EIF1: variants seen among roughly 807,000 people sequenced by gnomAD.
EIF1 encodes the protein protein translation factor SUI1 homolog.
A neutral mutation model predicts 13.7 loss-of-function variants in EIF1; 4 were observed. That is an observed-to-expected ratio of 0.29 (90% confidence interval 0.14 to 0.67). The LOEUF (loss-of-function observed/expected upper bound fraction) is 0.67, where lower values mean the gene tolerates loss of function less well. Ranked by LOEUF, EIF1 falls within the 30% of genes least tolerant of loss-of-function variation. The probability of loss-of-function intolerance (pLI) is 0.77; values close to 1 mark genes in which losing one functional copy is unlikely to be tolerated. For synonymous variants in EIF1, 67 were observed against 50.7 expected (o/e 1.32, Z -1.37); for missense variants, 64 against 138.0 (o/e 0.46, Z 2.69).
chr17:41,689,136 C>T (rs1036247906), intron 1 of EIF1, 67 bp downstream of exon 1: 5 of 1,576,332 alleles, frequency 3.2e-6, no homozygotes, highest in African/African-American at 1.4e-5. Context: ...GAGACGTGTT[C>T]CGGGAAGTTG....
At chr17:41,689,710 G>A (rs1910316727) in intron 1 of EIF1, 68 bp from the exon 2 acceptor site, 2 of 1,486,522 alleles carry the variant, frequency 1.3e-6, no homozygotes, top group African/African-American at 1.4e-5. Flanking sequence ...AAAACACCTG[G>A]GGACCGAGGG....
intron 2 of EIF1, 41 bp from the exon 3 acceptor site, chr17:41,690,047 T>C: frequency 6.2e-7 from 1 of 1,611,588 alleles, no homozygotes; most frequent in Non-Finnish European, 8.5e-7. Context: ...AATGCGTTCA[T>C]GCTCTTGCTA....
In EIF1 at chr17:41,690,199, G is replaced by A; in HGVS notation, c.297+10G>A. The A allele has an allele frequency of 6.2e-7, 1 of 1,605,090 alleles. No homozygotes were observed. Among genetic ancestry groups the A allele is most frequent in the South Asian group, 1.1e-5 (1 of 90,848 alleles). The stretch of plus-strand genomic sequence containing the variant: ...CCAGTTCCTCGTAGAGGTGAGTTCA[G>A]TCACTACTTGATTTGTGCCTCTCTG... On this transcript the variant is annotated intron_variant, in intron 3 of 3. Coordinates refer to ENST00000469257, the MANE Select transcript of EIF1 (RefSeq NM_005801.4).
intron 1 of EIF1, chr17:41,689,488 C>T (rs1253385581): frequency 1.3e-5 from 6 of 452,644 alleles, no homozygotes; most frequent in South Asian, 3.2e-5. Context: ...AGCTCGGGTT[C>T]CGGCGGGTTG....
Position 41,689,796 on chromosome 17 carries a change from G to C in EIF1, c.50G>C (p.Ser17Thr). Residue 17 changes from serine to threonine, a missense_variant, in exon 2 of 4, where the codon AGT (serine) becomes ACT (threonine). Transcript: ENST00000469257. ...TTTTCAGACCCCTTTGCTGATGCAA[G>C]TAAGGGTGATGACCTGCTTCCTGCT... ...LHSFDPFADA[S>T]KGDDLLPAGT... The C allele has an allele frequency of 1.2e-6, 2 of 1,608,978 alleles. No individual in the cohort carries two copies. Among genetic ancestry groups the C allele is most frequent in the South Asian group, 1.1e-5 (1 of 90,320 alleles).
In EIF1 at chr17:41,690,308, G is replaced by A. The variant is rs554087859; in HGVS notation, c.297+119G>A. On this transcript the variant is annotated intron_variant, in intron 3 of 3. Coordinates refer to ENST00000469257, the MANE Select transcript of EIF1 (RefSeq NM_005801.4). ...TAAGGCTGAGCAAAACCTCAGTTGG[G>A]TTTTAAAGTACATAGACTTATTTCT... 3.0e-5 allele frequency: 22 copies of A among 726,696 alleles called. No individual in the cohort carries two copies. The African/African-American group carries it at 3.6e-4, about 12-fold the overall frequency. 45.0% of individuals were successfully genotyped at this position (726,696 alleles called of 1,614,324 possible).
rs527750929 is a variant in EIF1, at chr17:41,688,934, C to T, written c.-105C>T. 23 of 1,187,848 alleles carry T rather than the reference C, an allele frequency of 1.9e-5. 1 individual carries two copies. Among genetic ancestry groups the T allele is most frequent in the East Asian group, 9.7e-5 (4 of 41,312 alleles). 73.6% of individuals were successfully genotyped at this position (1,187,848 alleles called of 1,614,324 possible). On this transcript the variant is annotated 5_prime_UTR_variant, in exon 1 of 4. Transcript: ENST00000469257. ...AGGATTCAGCAGCCTCCCCCTTGAG[C>T]CCCCTCGCTTCCCGACGTTCCGTTC...
rs1209869594 is a variant in EIF1 at position 41,691,730 on chromosome 17, C to T, written c.*904C>T. 3 of 152,644 alleles carry T rather than the reference C, an allele frequency of 2.0e-5. No individual in the cohort carries two copies. Among genetic ancestry groups the T allele is most frequent in the Non-Finnish European group, 4.4e-5 (3 of 68,052 alleles). 9.5% of individuals were successfully genotyped at this position (152,644 alleles called of 1,614,324 possible). ...ATGGGCAGTGGAGGATTCGTCCACA[C>T]CCACAGCTTCTCAACGGGCCTGAAT... is the stretch of plus-strand genomic sequence containing the variant. On this transcript the variant is annotated 3_prime_UTR_variant, in exon 4 of 4. Transcript: ENST00000469257.
chr17:41,689,673 G>A (rs1277183768), intron 1 of EIF1, 105 bp from the exon 2 acceptor site: 1 of 1,218,626 alleles, frequency 8.2e-7, no homozygotes, highest in African/African-American at 1.5e-5. Context: ...AAGCCCTGAC[G>A]ATTTCAGTGT....
At chr17:41,689,559 C>T in intron 1 of EIF1, 1 of 509,318 alleles carries the variant, frequency 2.0e-6, no homozygotes, top group Non-Finnish European at 3.4e-6. Context: ...ATCGGCTTCC[C>T]AGGGAGGGCG....
rs1910282736 is a variant in EIF1, at chr17:41,689,009, G to C, written c.-30G>C. The C allele has an allele frequency of 6.2e-7, 1 of 1,612,616 alleles. No homozygotes were observed. Among genetic ancestry groups the C allele is most frequent in the Non-Finnish European group, 8.5e-7 (1 of 1,179,608 alleles). Reference sequence around the variant, plus strand: ...CCGCCGCCGCCGCCTTCCGCAGGCCGTTTCCACCGAGGAAAAGGAATCGTA... The same window carrying C: ...CCGCCGCCGCCGCCTTCCGCAGGCCCTTTCCACCGAGGAAAAGGAATCGTA... On this transcript the variant is annotated 5_prime_UTR_variant, in exon 1 of 4. Coordinates refer to ENST00000469257, the MANE Select transcript of EIF1 (RefSeq NM_005801.4).
chr17:41,689,283 CG>C, intron 1 of EIF1: 1 of 613,146 alleles, frequency 1.6e-6, no homozygotes, highest in East Asian at 2.8e-5. Flanking sequence ...AGCCCTTGGG[CG>C]GGCCCGGCGT....
chr17:41,690,670 C>G, intron 3 of EIF1, 112 bp from the exon 4 acceptor site: 1 of 1,179,098 alleles, frequency 8.5e-7, no homozygotes, highest in Middle Eastern at 2.0e-4. Flanking sequence ...ATTGTGCGCA[C>G]CCCTGGCTCT....
intron 2 of EIF1, 61 bp from the exon 3 acceptor site, chr17:41,690,027 A>G: frequency 6.2e-7 from 1 of 1,610,554 alleles, no homozygotes; most frequent in Non-Finnish European, 8.5e-7. Flanking sequence ...TGTTAGCGGA[A>G]GGGGTGATAA....
In EIF1 at chr17:41,691,441, CAG is replaced by C. The variant is rs551151476; in HGVS notation, c.*618_*619del. On this transcript the variant is annotated 3_prime_UTR_variant, in exon 4 of 4. Transcript: ENST00000469257. ...TCAGAATGTGAGGCCAACCTTCTATCAGAGTTAAACTTTTGACAAGGGAACAA... is the reference window on the plus strand; with the variant it reads ...TCAGAATGTGAGGCCAACCTTCTATCAGTTAAACTTTTGACAAGGGAACAA... 8 of 154,700 alleles carry C rather than the reference CAG, an allele frequency of 5.2e-5. No homozygotes were observed. The highest frequency in any genetic ancestry group is 4.6e-4 in the Admixed American group (7 of 15,348). The allele number at this position is 154,700 out of a possible 1,614,324, so 9.6% of individuals were successfully genotyped here.
In EIF1 at chr17:41,688,887, C is replaced by T. The variant is rs563193891; in HGVS notation, c.-152C>T. ...CTAAACACAGGCACCGCCCCTCTGCCCCAGTCACTGAGCCGCCGCCGAGGA... is the reference window on the plus strand; with the variant it reads ...CTAAACACAGGCACCGCCCCTCTGCTCCAGTCACTGAGCCGCCGCCGAGGA... On this transcript the variant is annotated 5_prime_UTR_variant, in exon 1 of 4. Transcript: ENST00000469257. 4.1e-6 allele frequency: 3 copies of T among 732,234 alleles called. No individual in the cohort carries two copies. Among genetic ancestry groups the T allele is most frequent in the African/African-American group, 1.7e-5 (1 of 57,236 alleles). 45.4% of individuals were successfully genotyped at this position (732,234 alleles called of 1,614,324 possible). A position where few individuals can be genotyped will look rare whatever the true frequency, so the allele number is the denominator to read the frequency against.
Position 41,688,953 on chromosome 17 carries a change from T to A in EIF1, c.-86T>A. 1 of 1,445,320 alleles carries A rather than the reference T, an allele frequency of 6.9e-7. No homozygotes were observed. The highest frequency in any genetic ancestry group is 9.6e-7 in the Non-Finnish European group (1 of 1,036,952). The allele number at this position is 1,445,320 out of a possible 1,614,324, so 89.5% of individuals were successfully genotyped here. A position where few individuals can be genotyped will look rare whatever the true frequency, so the allele number is the denominator to read the frequency against. On this transcript the variant is annotated 5_prime_UTR_variant, in exon 1 of 4. Coordinates refer to ENST00000469257, the MANE Select transcript of EIF1 (RefSeq NM_005801.4). ...CTTGAGCCCCCTCGCTTCCCGACGTTCCGTTCCCCCCTGCCCGCCTTCTCC... is the reference window on the plus strand; with the variant it reads ...CTTGAGCCCCCTCGCTTCCCGACGTACCGTTCCCCCCTGCCCGCCTTCTCC...
chr17:41,689,220 C>T lies in EIF1; in HGVS notation c.31+151C>T, dbSNP rs1338354596. Reference sequence around the variant, plus strand: ...GGTCGCAGGGCAGCGGGATCAAGGCCTGGGCCCCGGGGTCGGACCCTGAGC... The same window carrying T: ...GGTCGCAGGGCAGCGGGATCAAGGCTTGGGCCCCGGGGTCGGACCCTGAGC... On this transcript the variant is annotated intron_variant, in intron 1 of 3. Transcript: ENST00000469257. 4 of 918,008 alleles carry T rather than the reference C, an allele frequency of 4.4e-6. No homozygotes were observed. The East Asian group carries it at 7.6e-5, about 17-fold the overall frequency. The allele number at this position is 918,008 out of a possible 1,614,324, so 56.9% of individuals were successfully genotyped here.
In EIF1 at chr17:41,691,245, A is replaced by C; in HGVS notation, c.*419A>C. ...GAGGATGGGGTAAGGCAGAAGCACCAGCTGTACTACTAGAAGGGAGCTTTT... is the reference window on the plus strand; with the variant it reads ...GAGGATGGGGTAAGGCAGAAGCACCCGCTGTACTACTAGAAGGGAGCTTTT... On this transcript the variant is annotated 3_prime_UTR_variant, in exon 4 of 4. Coordinates refer to ENST00000469257, the MANE Select transcript of EIF1 (RefSeq NM_005801.4). 1 of 332,810 alleles carries C rather than the reference A, an allele frequency of 3.0e-6. No homozygotes were observed. The highest frequency in any genetic ancestry group is 1.1e-4 in the South Asian group (1 of 8,738). 20.6% of individuals were successfully genotyped at this position (332,810 alleles called of 1,614,324 possible).
Sources: allele counts gnomAD v4.1 joint callset, GRCh38; gene constraint gnomAD v4.1.1; transcripts MANE v1.5; gene names NCBI Gene and HGNC (gene_info 2026-07-23, HGNC 2026-07-21).